Variants in DLGAP1 observed in about 807,000 individuals in gnomAD.
DLGAP1 encodes disks large-associated protein 1.
Under a neutral mutation model 90.8 loss-of-function variants are expected in DLGAP1, and 11 were observed. The ratio of observed to expected loss-of-function variants is 0.12; its 90% CI spans 0.08 to 0.20. The LOEUF (loss-of-function observed/expected upper bound fraction) is 0.20, where lower values mean the gene tolerates loss of function less well. DLGAP1 is among the 10% of genes least tolerant of loss of function. The pLI, the probability that DLGAP1 is intolerant of heterozygous loss-of-function variation, is 1.00. For missense variants in DLGAP1, 1,050 were observed against 1,333.8 expected (o/e 0.79, Z 3.31); for synonymous variants, 558 against 540.7 (o/e 1.03, Z -0.44).
intron 7 of DLGAP1, among the ~76,000 whole-genome samples, chr18:3,661,327 T>C (rs192942328): frequency 5.3e-5 from 8 of 152,336 alleles, no homozygotes; most frequent in Non-Finnish European, 1.2e-4. Flanking sequence ...TCTCCTCTCC[T>C]TGAATCTGGG....
chr18:4,163,802 G>T (rs1178097044), intron 1 of DLGAP1, among the ~76,000 whole-genome samples: 1 of 152,110 alleles, frequency 6.6e-6, no homozygotes, highest in African/African-American at 2.4e-5. Flanking sequence ...ATACTTTTCT[G>T]TGTCCCTTTT....
chr18:4,136,226 A>G (rs2076399023), intron 2 of DLGAP1, among the ~76,000 whole-genome samples: 1 of 152,156 alleles, frequency 6.6e-6, no homozygotes, highest in South Asian at 2.1e-4. Context: ...ACAACTCTTC[A>G]ATATACTGAT....
intron 2 of DLGAP1, among the ~76,000 whole-genome samples, chr18:4,092,682 G>A (rs1298400877): frequency 6.6e-6 from 1 of 152,078 alleles, no homozygotes; most frequent in Non-Finnish European, 1.5e-5. Context: ...CATAACAGGG[G>A]CAGGCCAGAT....
chr18:4,354,662 A>T (rs1395478112), intron 1 of DLGAP1, among the ~76,000 whole-genome samples: 1 of 151,916 alleles, frequency 6.6e-6, no homozygotes, highest in Non-Finnish European at 1.5e-5. Flanking sequence ...TAGGGAGGAA[A>T]GGTATCACAT....
At chr18:3,566,252 G>A (rs1032882754) in intron 9 of DLGAP1, among the ~76,000 whole-genome samples, 1 of 152,090 alleles carries the variant, frequency 6.6e-6, no homozygotes, top group Non-Finnish European at 1.5e-5. Flanking sequence ...ACGGATAGAT[G>A]TGTAACTATT....
intron 1 of DLGAP1, among the ~76,000 whole-genome samples, chr18:4,354,649 T>C (rs895174966): frequency 9.2e-5 from 14 of 151,998 alleles, no homozygotes; most frequent in Non-Finnish European, 2.1e-4. Flanking sequence ...GTGACCCTCA[T>C]GATAGGGAGG....
intron 1 of DLGAP1, among the ~76,000 whole-genome samples, chr18:4,225,269 C>A (rs931880116): frequency 1.3e-5 from 2 of 151,944 alleles, no homozygotes; most frequent in African/African-American, 4.8e-5. Flanking sequence ...TTGCAGTGAC[C>A]TAAAACTTAG....
intron 5 of DLGAP1, among the ~76,000 whole-genome samples, chr18:3,784,698 C>A (rs1037462873): frequency 3.9e-5 from 6 of 152,204 alleles, no homozygotes; most frequent in Non-Finnish European, 7.3e-5. Context: ...CAGGCCCAGT[C>A]TGGATCCAGT....
At chr18:4,329,447 T>G (rs960632610) in intron 1 of DLGAP1, among the ~76,000 whole-genome samples, 3 of 152,142 alleles carry the variant, frequency 2.0e-5, no homozygotes, top group South Asian at 4.1e-4. Flanking sequence ...CTTTGTTTTC[T>G]GTTTAAAATT....
At chr18:3,802,771 G>A (rs2066372280) in intron 5 of DLGAP1, among the ~76,000 whole-genome samples, 1 of 152,166 alleles carries the variant, frequency 6.6e-6, no homozygotes, top group Admixed American at 6.5e-5. Flanking sequence ...TCTCCCTCAG[G>A]GCATTTAGCA....
chr18:3,790,460 G>C (rs991428504), intron 5 of DLGAP1, among the ~76,000 whole-genome samples: 1 of 151,894 alleles, frequency 6.6e-6, no homozygotes, highest in African/African-American at 2.4e-5. Flanking sequence ...GTAGAGATGG[G>C]GTCTTGCTAT....
intron 2 of DLGAP1, among the ~76,000 whole-genome samples, chr18:4,060,986 A>G (rs867096125): frequency 6.6e-6 from 1 of 152,306 alleles, no homozygotes; most frequent in South Asian, 2.1e-4. Flanking sequence ...TAACTGTACA[A>G]CTTGCCTTCT....
At chr18:4,226,476 A>G (rs2078189728) in intron 1 of DLGAP1, among the ~76,000 whole-genome samples, 1 of 152,062 alleles carries the variant, frequency 6.6e-6, no homozygotes, top group African/African-American at 2.4e-5. Flanking sequence ...AAAAATAATA[A>G]CTACAAAAAC....
chr18:4,331,514 C>T (rs2080951548), intron 1 of DLGAP1, among the ~76,000 whole-genome samples: 1 of 151,802 alleles, frequency 6.6e-6, no homozygotes, highest in Admixed American at 6.6e-5. Context: ...TGTAACCCAC[C>T]TTCATGCCAT....
chr18:4,198,440 T>C (rs2144787904), intron 1 of DLGAP1, among the ~76,000 whole-genome samples: 1 of 152,282 alleles, frequency 6.6e-6, no homozygotes, highest in African/African-American at 2.4e-5. Flanking sequence ...TTCATTTAGG[T>C]ACTGTAATGG....
intron 4 of DLGAP1, among the ~76,000 whole-genome samples, chr18:3,850,889 A>G (rs927831836): frequency 6.6e-6 from 1 of 152,202 alleles, no homozygotes; most frequent in Admixed American, 6.5e-5. Context: ...TCATCTTTAT[A>G]GAAAAAAAAC....
chr18:3,834,524 C>T (rs2068259393), intron 4 of DLGAP1, among the ~76,000 whole-genome samples: 1 of 152,044 alleles, frequency 6.6e-6, no homozygotes, highest in Non-Finnish European at 1.5e-5. Context: ...TGGAAGTGAG[C>T]TTGGCACACA....
chr18:3,641,576 C>CACAT (rs1555612133), intron 7 of DLGAP1, among the ~76,000 whole-genome samples: 32 of 130,322 alleles, frequency 2.5e-4, no homozygotes, highest in East Asian at 1.6e-3. Flanking sequence ...ACAATGTACA[C>CACAT]ATATATATAT....
intron 1 of DLGAP1, among the ~76,000 whole-genome samples, chr18:4,188,518 A>G (rs1275208148): frequency 6.6e-6 from 1 of 151,842 alleles, no homozygotes; most frequent in Non-Finnish European, 1.5e-5. Flanking sequence ...CTCTGTGTCT[A>G]TGTGTTCTCA....
Sources: allele counts gnomAD v4.1 joint callset (sites outside exome capture counted in the v4.1 genomes callset), GRCh38; gene constraint gnomAD v4.1.1; transcripts MANE v1.5; gene names NCBI Gene and HGNC (gene_info 2026-07-23, HGNC 2026-07-21).